Variants in CD5 observed in about 807,000 individuals in gnomAD.
The protein encoded by CD5 is T-cell surface glycoprotein CD5.
In CD5, 36 loss-of-function variants were observed where a neutral mutation model predicts 60.3. That is an observed-to-expected ratio of 0.60 (90% CI 0.46 to 0.79). The LOEUF (loss-of-function observed/expected upper bound fraction) is 0.79. Ranked by LOEUF, CD5 falls within the 30% of genes least tolerant of loss-of-function variation. The pLI is 0.00. For missense variants in CD5, 540 were observed against 630.6 expected, an observed-to-expected ratio of 0.86 and a Z score of 1.54; for synonymous variants, 230 against 257.6, an observed-to-expected ratio of 0.89 and a Z score of 1.03.
chr11:61,112,922 C>T (rs1860879220), intron 1 of CD5, among the ~76,000 whole-genome samples: 2 of 152,226 alleles, frequency 1.3e-5, no homozygotes, highest in Admixed American at 1.3e-4. Context: ...AACACTCAAG[C>T]AAGAACAGCT....
chr11:61,124,950 G>A, intron 8 of CD5, 82 bp from the exon 9 acceptor site: 6 of 1,569,692 alleles, frequency 3.8e-6, no homozygotes, highest in African/African-American at 1.3e-5. Context: ...GGGAATAGGA[G>A]ATTAAAGTTC....
chr11:61,116,873 A>G (rs1369664253), intron 2 of CD5, among the ~76,000 whole-genome samples: 1 of 150,466 alleles, frequency 6.6e-6, no homozygotes, highest in Non-Finnish European at 1.5e-5. Context: ...CACACCACAC[A>G]CACTACACCA....
intron 1 of CD5, among the ~76,000 whole-genome samples, chr11:61,110,416 C>G (rs1860838523): frequency 6.6e-6 from 1 of 152,222 alleles, no homozygotes; most frequent in Admixed American, 6.5e-5. Flanking sequence ...AACTTCCTTA[C>G]TTTACAGATT....
rs146868452 is a variant in CD5 at position 61,109,118 on chromosome 11, C to T, written c.56-5938C>T. ...GCCGAGTTCTCACTCCCATGCACCA[C>T]GACAGCCTCCTCCTCTGTAAACTGG... On this transcript the variant is annotated intron_variant, in intron 1 of 10. Coordinates refer to ENST00000347785, the MANE Select transcript of CD5 (RefSeq NM_014207.4). Among the ~76,000 whole-genome samples, 1,168 of 152,320 alleles carry T rather than the reference C, an allele frequency of 7.7e-3. 2 individuals are homozygous for T. The highest frequency in any genetic ancestry group is 0.014 in the Non-Finnish European group (936 of 68,040).
At position 61,119,261 on chromosome 11, in the gene CD5, A is replaced by C. The variant is rs1861014898; in HGVS notation, c.491A>C (p.Gln164Pro). ...TAPPRLQLVA[Q>P]SGGQHCAGVV... is the part of the protein sequence containing the mutation. ...CCTCCCAGGCTGCAGCTGGTGGCAC[A>C]GTCTGGCGGCCAGCACTGTGCCGGC... is the stretch of plus-strand genomic sequence containing the variant. Residue 164 changes from glutamine to proline, a missense_variant, in exon 5 of 11, where the codon CAG becomes CCG. Gln to Pro is a moderately conservative substitution (Grantham distance 76). Transcript: ENST00000347785. 2.5e-6 allele frequency: 4 copies of C among 1,608,560 alleles called. No homozygotes were observed. Among genetic ancestry groups the C allele is most frequent in the Non-Finnish European group, 3.4e-6 (4 of 1,176,972 alleles).
rs1165692449 is a variant in CD5, at chr11:61,123,019, G to A, written c.1212G>A (p.Lys404=). ...LVVCGPLAYK[K]LVKKFRQKKQ... ...TGTGCGGCCCCCTTGCCTACAAGAA[G>A]CTAGTGAAGAAATGTAGGTGTCACG... is the stretch of plus-strand genomic sequence containing the variant. Residue 404 remains lysine, a synonymous_variant, in exon 7 of 11, where the codon AAG becomes AAA. Transcript: ENST00000347785. The A allele has an allele frequency of 1.2e-6, 2 of 1,612,716 alleles. No homozygotes were observed. Among genetic ancestry groups the A allele is most frequent in the Non-Finnish European group, 1.7e-6 (2 of 1,179,376 alleles).
chr11:61,124,001 G>T, intron 8 of CD5, 64 bp downstream of exon 8: 1 of 1,292,766 alleles, frequency 7.7e-7, no homozygotes. Flanking sequence ...AGGCAGAGTC[G>T]AGGCTCTCTG....
chr11:61,101,033 T>A (rs1436657443), upstream of CD5, among the ~76,000 whole-genome samples: 2 of 85,044 alleles, frequency 2.4e-5, no homozygotes, highest in Admixed American at 1.3e-4. Context: ...CACACACACA[T>A]CAACATGGAG....
chr11:61,097,605 G>A (rs1200813140), upstream of CD5, among the ~76,000 whole-genome samples: 1 of 152,180 alleles, frequency 6.6e-6, no homozygotes, highest in Admixed American at 6.5e-5. Flanking sequence ...CCACTGGGCA[G>A]GTAGTTGTGT....
Position 61,118,563 on chromosome 11 carries a change from C to T in CD5, c.400+83C>T. 1 of 1,396,004 alleles carries T rather than the reference C, an allele frequency of 7.2e-7. No individual in the cohort carries two copies. Among genetic ancestry groups the T allele is most frequent in the Non-Finnish European group, 9.9e-7 (1 of 1,015,080 alleles). The allele number at this position is 1,396,004 out of a possible 1,614,324, so 86.5% of individuals were successfully genotyped here. ...CTGCCCGAGGCCTGTGATCTAGGGT[C>T]TGAGCAGGCTGGTGGAAGGGGTGGG... On this transcript the variant is annotated intron_variant, in intron 3 of 10. Transcript: ENST00000347785. This position sits in a 1 kb window ranked among gnomAD's most constrained non-coding sequence, Gnocchi z 4.7.
In CD5 at chr11:61,115,210, C is replaced by T. The variant is rs954745267; in HGVS notation, c.94+116C>T. 13 of 888,412 alleles carry T rather than the reference C, an allele frequency of 1.5e-5. No homozygotes were observed. The African/African-American group carries it at 1.5e-4, about 10-fold the overall frequency. The allele number at this position is 888,412 out of a possible 1,614,324, so 55.0% of individuals were successfully genotyped here. ...ATCACTTCTGCCAGAGTGAACCCCA[C>T]CCTATAGAGAGAGTGAACCCCAGCA... On this transcript the variant is annotated intron_variant, in intron 2 of 10. Coordinates refer to ENST00000347785, the MANE Select transcript of CD5 (RefSeq NM_014207.4).
intron 1 of CD5, among the ~76,000 whole-genome samples, chr11:61,114,079 A>G (rs1195937380): frequency 6.6e-6 from 1 of 152,210 alleles, no homozygotes; most frequent in Non-Finnish European, 1.5e-5. Flanking sequence ...AAAAGTGATC[A>G]GTGCATTCTG....
At chr11:61,099,700 G>C (rs1418414091), upstream of CD5, among the ~76,000 whole-genome samples, 15 of 149,808 alleles carry the variant, frequency 1.0e-4, no homozygotes, top group Non-Finnish European at 2.2e-4. Context: ...CATCAACATG[G>C]AGATTACACA....
chr11:61,115,666 A>G (rs1303656482), intron 2 of CD5, among the ~76,000 whole-genome samples: 1 of 152,230 alleles, frequency 6.6e-6, no homozygotes, highest in Non-Finnish European at 1.5e-5. Flanking sequence ...GAAGAAATAC[A>G]TGACACTTTT....
At chr11:61,099,797 A>C (rs1299725550), upstream of CD5, among the ~76,000 whole-genome samples, 1 of 151,628 alleles carries the variant, frequency 6.6e-6, no homozygotes, top group Non-Finnish European at 1.5e-5. Context: ...CACATATATC[A>C]AATGGGGATT....
intron 4 of CD5, 64 bp from the exon 5 acceptor site, chr11:61,119,170 A>G (rs1400407874): frequency 2.1e-6 from 3 of 1,448,282 alleles, no homozygotes; most frequent in Admixed American, 2.1e-5. Context: ...GCCAAACAGC[A>G]AGGAGTGCCC....
upstream of CD5, chr11:61,102,467 C>T (rs1016804165): frequency 2.0e-5 from 17 of 847,818 alleles, no homozygotes; most frequent in African/African-American, 3.4e-5. Context: ...CACGCCACCC[C>T]GCCCTCTCCC....
At chr11:61,124,070 G>C (rs1049559211) in intron 8 of CD5, 133 bp downstream of exon 8, 1 of 721,560 alleles carries the variant, frequency 1.4e-6, no homozygotes, top group South Asian at 1.6e-5. Context: ...GTGCTTGTCT[G>C]ACATGTGACT....
In CD5 at chr11:61,119,290, G is replaced by C. The variant is rs1314304492; in HGVS notation, c.520G>C (p.Val174Leu). The C allele has an allele frequency of 6.2e-7, 1 of 1,613,524 alleles. No homozygotes were observed. Among genetic ancestry groups the C allele is most frequent in the Non-Finnish European group, 8.5e-7 (1 of 1,179,996 alleles). Residue 174 changes from valine to leucine, a missense_variant, in exon 5 of 11, where the codon GTG becomes CTG. Physicochemically the swap from Val to Leu is conservative, Grantham distance 32 (BLOSUM62 1). Transcript: ENST00000347785. ...TGGCGGCCAGCACTGTGCCGGCGTGGTGGAGTTCTACAGCGGCAGCCTGGG... is the reference window on the plus strand; with the variant it reads ...TGGCGGCCAGCACTGTGCCGGCGTGCTGGAGTTCTACAGCGGCAGCCTGGG... ...QSGGQHCAGV[V>L]EFYSGSLGGT... is the part of the protein sequence containing the mutation.
Sources: gnomAD v4.1 joint callset for allele counts (sites outside exome capture counted in the v4.1 genomes callset) on GRCh38, gnomAD v4.1.1 for gene constraint, Gnocchi (gnomAD v3.1) non-coding constraint, MANE v1.5 for transcripts, NCBI Gene and HGNC (gene_info 2026-07-23, HGNC 2026-07-21) for gene names.